Variants in PAPPA2 observed in about 807,000 individuals in gnomAD.
PAPPA2 encodes the protein pappalysin 2, also known as pappalysin-2.
A neutral mutation model predicts 176.4 loss-of-function variants in PAPPA2; 86 were observed. The observed-to-expected ratio is 0.49, with a 90% CI of 0.41 to 0.58. The LOEUF (loss-of-function observed/expected upper bound fraction) is 0.58. Among genes scored for constraint, PAPPA2 ranks in the 20% least tolerant of loss-of-function variants. PAPPA2 has a pLI of 0.00. For missense variants in PAPPA2, 2,073 were observed against 2,256.9 expected, an observed-to-expected ratio of 0.92 and a Z score of 1.65; for synonymous variants, 809 against 852.2, an observed-to-expected ratio of 0.95 and a Z score of 0.88.
At chr1:176,505,004 C>T (rs897850206) in intron 1 of PAPPA2, among the ~76,000 whole-genome samples, 2 of 152,008 alleles carry the variant, frequency 1.3e-5, no homozygotes, top group African/African-American at 4.8e-5. Context: ...ATGATCTAGC[C>T]CATCCTACCT....
chr1:176,699,682 T>C (rs1224695506), intron 8 of PAPPA2, 93 bp downstream of exon 8: 10 of 1,488,376 alleles, frequency 6.7e-6, no homozygotes, highest in South Asian at 1.4e-5. Context: ...GCCATGCCCT[T>C]AGTCGGAGGA....
At chr1:176,554,927 G>A (rs1651176834) in intron 1 of PAPPA2, among the ~76,000 whole-genome samples, 1 of 151,820 alleles carries the variant, frequency 6.6e-6, no homozygotes, top group African/African-American at 2.4e-5. Context: ...ATCCCTAAAA[G>A]GTTAGTGTGG....
At chr1:176,768,092 T>C (rs903110859) in intron 15 of PAPPA2, among the ~76,000 whole-genome samples, 2 of 152,182 alleles carry the variant, frequency 1.3e-5, no homozygotes, top group African/African-American at 4.8e-5. Context: ...GGCTCAGCCA[T>C]AGAAACTCCC....
At chr1:176,582,043 C>T (rs1348501915) in intron 2 of PAPPA2, among the ~76,000 whole-genome samples, 2 of 151,214 alleles carry the variant, frequency 1.3e-5, no homozygotes, top group Non-Finnish European at 2.9e-5. Flanking sequence ...CCTACCTCAG[C>T]CTCCCGAGTA....
At position 176,594,641 on chromosome 1, in the gene PAPPA2, G is replaced by A. The variant is rs562267517; in HGVS notation, c.1037G>A (p.Arg346His). The A allele has an allele frequency of 3.9e-5, 63 of 1,614,170 alleles. No individual in the cohort carries two copies. Among genetic ancestry groups the A allele is most frequent in the Non-Finnish European group, 4.7e-5 (55 of 1,180,028 alleles). Residue 346 changes from arginine to histidine, a missense_variant, in exon 3 of 23, where the codon CGC becomes CAC. Transcript: ENST00000367662. Reference protein sequence around the residue: ...ARFFFSLCTDRVKKATILISH... With the variant: ...ARFFFSLCTDHVKKATILISH... ...TTCTTCTTCTCCCTCTGCACCGACC[G>A]CGTGAAGAAAGCCACCATCTTGATT...
intron 20 of PAPPA2, among the ~76,000 whole-genome samples, chr1:176,798,199 G>T (rs1312362736): frequency 6.6e-6 from 1 of 152,192 alleles, no homozygotes; most frequent in Non-Finnish European, 1.5e-5. Flanking sequence ...TTATTCTTCA[G>T]ATATACTTGT....
At chr1:176,483,460 CTTTTTTTTTTTTT>C (rs56705620) in intron 1 of PAPPA2, among the ~76,000 whole-genome samples, 1 of 48,628 alleles carries the variant, frequency 2.1e-5, no homozygotes, top group East Asian at 8.6e-4. Context: ...ACTCAGACAT[CTTTTTTTTTTTTT>C]TTTTTTTTTT....
chr1:176,525,951 T>G (rs901867441), intron 1 of PAPPA2, among the ~76,000 whole-genome samples: 2 of 152,206 alleles, frequency 1.3e-5, no homozygotes, highest in African/African-American at 2.4e-5. Flanking sequence ...AGAGGTGGGC[T>G]GCTAGGATCT....
At position 176,696,303 on chromosome 1, in the gene PAPPA2, T is replaced by G. The variant is rs571718976; in HGVS notation, c.2746+444T>G. On this transcript the variant is annotated intron_variant, in intron 7 of 22. Coordinates refer to ENST00000367662, the MANE Select transcript of PAPPA2 (RefSeq NM_020318.3). Reference sequence around the variant, plus strand: ...AACACTCATGCAATGGCTGAGCAAGTCTGGGTGGGGGTGGGGGGACCGCAG... The same window carrying G: ...AACACTCATGCAATGGCTGAGCAAGGCTGGGTGGGGGTGGGGGGACCGCAG... Among the ~76,000 whole-genome samples the G allele has an allele frequency of 2.9e-5, 3 of 104,838 alleles. No homozygotes were observed. The South Asian group carries it at 1.1e-3, about 38-fold the overall frequency. The allele number at this position is 104,838 out of a possible 152,430, so 68.8% of individuals were successfully genotyped here.
chr1:176,662,772 C>T (rs1415848442), intron 3 of PAPPA2, among the ~76,000 whole-genome samples: 1 of 152,052 alleles, frequency 6.6e-6, no homozygotes, highest in African/African-American at 2.4e-5. Flanking sequence ...TCCAAAAGGC[C>T]ATTTTCCTCT....
intron 14 of PAPPA2, among the ~76,000 whole-genome samples, chr1:176,755,849 T>C (rs561803190): frequency 1.3e-5 from 2 of 152,294 alleles, no homozygotes; most frequent in South Asian, 4.1e-4. Context: ...ATAAAGTCCA[T>C]TAACACATAT....
At chr1:176,757,115 G>C (rs529552859) in intron 14 of PAPPA2, among the ~76,000 whole-genome samples, 1 of 152,114 alleles carries the variant, frequency 6.6e-6, no homozygotes, top group Non-Finnish European at 1.5e-5. Flanking sequence ...ACTGATGGAC[G>C]TTTGGGTTGG....
chr1:176,807,982 ACTC>A (rs1383750744), intron 21 of PAPPA2, among the ~76,000 whole-genome samples: 1 of 152,010 alleles, frequency 6.6e-6, no homozygotes, highest in Non-Finnish European at 1.5e-5. Context: ...CAAATGATGT[ACTC>A]CTGCTTTCAG....
intron 21 of PAPPA2, among the ~76,000 whole-genome samples, chr1:176,816,846 T>C (rs11580162): frequency 1.3e-5 from 2 of 152,146 alleles, no homozygotes; most frequent in African/African-American, 4.8e-5. Context: ...TACTTTGCTG[T>C]TTTTTCTCTC....
chr1:176,834,079 G>A (rs1245906873), intron 21 of PAPPA2, among the ~76,000 whole-genome samples: 1 of 152,124 alleles, frequency 6.6e-6, no homozygotes, highest in Non-Finnish European at 1.5e-5. Context: ...CTTCAAAATA[G>A]GACAATCATA....
intron 2 of PAPPA2, among the ~76,000 whole-genome samples, chr1:176,567,189 A>G (rs1185790883): frequency 6.6e-6 from 1 of 152,228 alleles, no homozygotes; most frequent in African/African-American, 2.4e-5. Flanking sequence ...TTTAAAGAGA[A>G]CATCCAGTAA....
At chr1:176,595,746 T>G (rs1199390430) in intron 3 of PAPPA2, 151 bp downstream of exon 3, 2 of 775,430 alleles carry the variant, frequency 2.6e-6, no homozygotes, top group Non-Finnish European at 4.0e-6. Context: ...TGTGAAGTGC[T>G]AGGTGTTCTG....
intron 21 of PAPPA2, among the ~76,000 whole-genome samples, chr1:176,830,214 A>G (rs959651835): frequency 2.6e-5 from 4 of 152,178 alleles, no homozygotes; most frequent in East Asian, 3.9e-4. Flanking sequence ...TAAAAAATAA[A>G]TTTTTAAAAA....
intron 3 of PAPPA2, among the ~76,000 whole-genome samples, chr1:176,629,975 C>T (rs1431288433): frequency 1.3e-5 from 2 of 152,066 alleles, no homozygotes; most frequent in East Asian, 3.9e-4. Context: ...AGGAGAATCG[C>T]TTGAACCCAG....
Sources: allele counts gnomAD v4.1 joint callset (sites outside exome capture counted in the v4.1 genomes callset), GRCh38; gene constraint gnomAD v4.1.1; transcripts MANE v1.5; gene names NCBI Gene and HGNC (gene_info 2026-07-23, HGNC 2026-07-21).